Variants in ITGA8 observed in about 807,000 individuals in gnomAD.
The protein encoded by ITGA8 is integrin subunit alpha 8, also known as integrin alpha-8.
Under a neutral mutation model 142.3 loss-of-function variants are expected in ITGA8, and 91 were observed. The observed-to-expected ratio is 0.64, with a 90% CI of 0.54 to 0.76. ITGA8 has a LOEUF of 0.76. Among genes scored for constraint, ITGA8 ranks in the 30% least tolerant of loss-of-function variants. The pLI, the probability that ITGA8 is intolerant of heterozygous loss-of-function variation, is 0.00. For synonymous variants in ITGA8, 505 were observed against 485.2 expected, an observed-to-expected ratio of 1.04 and a Z score of -0.54; for missense variants, 1,406 against 1,327.7, an observed-to-expected ratio of 1.06 and a Z score of -0.92.
chr10:15,626,379 C>T (rs1384234150), intron 13 of ITGA8, among the ~76,000 whole-genome samples: 1 of 152,106 alleles, frequency 6.6e-6, no homozygotes, highest in East Asian at 1.9e-4. Context: ...CACCACCATG[C>T]CTGGCTAATT....
At position 15,678,822 on chromosome 10, in the gene ITGA8, A is replaced by AT. The variant is rs754918482; in HGVS notation, c.569-40dup. 22 of 1,319,348 alleles carry AT rather than the reference A, an allele frequency of 1.7e-5. 1 individual carries two copies. The South Asian group carries it at 2.0e-4, about 12-fold the overall frequency. The allele number at this position is 1,319,348 out of a possible 1,614,324, so 81.7% of individuals were successfully genotyped here. A position where few individuals can be genotyped will look rare whatever the true frequency, so the allele number is the denominator to read the frequency against. ...AATACATAAATGTTATAACGTTATC[A>AT]TTCCTGAAATATTTTTTAATAACCA... On this transcript the variant is annotated intron_variant, in intron 4 of 29. Coordinates refer to ENST00000378076, the MANE Select transcript of ITGA8 (RefSeq NM_003638.3).
intron 8 of ITGA8, among the ~76,000 whole-genome samples, chr10:15,664,520 T>TTTATTA (rs35427499): frequency 6.7e-6 from 1 of 150,186 alleles, no homozygotes; most frequent in African/African-American, 2.5e-5. Context: ...TTTTCCACAT[T>TTTATTA]TTATTATTAT....
intron 13 of ITGA8, among the ~76,000 whole-genome samples, chr10:15,638,620 A>G (rs1833814417): frequency 6.6e-6 from 1 of 152,216 alleles, no homozygotes; most frequent in Non-Finnish European, 1.5e-5. Context: ...GCTGTTGATA[A>G]GTGTGGCTTC....
At position 15,647,683 on chromosome 10, in the gene ITGA8, C is replaced by T. The variant is rs193096844; in HGVS notation, c.1002-632G>A. 9.8e-3 allele frequency among the ~76,000 whole-genome samples: 1,475 copies of T among 151,204 alleles called. 14 individuals are homozygous for T. The highest frequency in any genetic ancestry group is 0.015 in the Non-Finnish European group (1,013 of 67,806). On this transcript the variant is annotated intron_variant, in intron 11 of 29. Coordinates refer to ENST00000378076, the MANE Select transcript of ITGA8 (RefSeq NM_003638.3). ...TTCACCTTGTTAGCCAGGATGGTCT[C>T]GATCTCCTGACCTCATGATCCACCC...
intron 13 of ITGA8, among the ~76,000 whole-genome samples, chr10:15,635,363 G>T (rs995974092): frequency 9.9e-5 from 15 of 152,158 alleles, no homozygotes; most frequent in African/African-American, 3.6e-4. Flanking sequence ...ACAGAGCACT[G>T]TGTAAAGGCA....
intron 2 of ITGA8, among the ~76,000 whole-genome samples, chr10:15,707,329 G>A (rs1358536670): frequency 6.6e-6 from 1 of 152,194 alleles, no homozygotes; most frequent in Non-Finnish European, 1.5e-5. Context: ...GAGACCCAGA[G>A]ATAGGGCAGT....
intron 27 of ITGA8, among the ~76,000 whole-genome samples, chr10:15,540,333 C>T (rs1833544293): frequency 6.6e-6 from 1 of 152,118 alleles, no homozygotes; most frequent in African/African-American, 2.4e-5. Context: ...TGAATCTGCT[C>T]TCTGCCTCCA....
At chr10:15,677,452 GAAAT>G (rs1834651793) in intron 6 of ITGA8, 136 bp downstream of exon 6, 3 of 644,784 alleles carry the variant, frequency 4.7e-6, no homozygotes, top group East Asian at 2.9e-5. Flanking sequence ...GCAAAAAAAA[GAAAT>G]AACGCTTCAT....
chr10:15,683,058 C>A (rs554072021), intron 4 of ITGA8, among the ~76,000 whole-genome samples: 1 of 152,150 alleles, frequency 6.6e-6, no homozygotes, highest in South Asian at 2.1e-4. Flanking sequence ...AGAGCTCAAG[C>A]TAATTTGGGA....
chr10:15,668,153 T>G (rs1834433548), intron 8 of ITGA8, among the ~76,000 whole-genome samples: 1 of 152,200 alleles, frequency 6.6e-6, no homozygotes, highest in South Asian at 2.1e-4. Context: ...TGTGGGAGTC[T>G]AAGTCTCTTT....
At chr10:15,569,598 T>A (rs1229637723) in intron 25 of ITGA8, among the ~76,000 whole-genome samples, 1 of 152,172 alleles carries the variant, frequency 6.6e-6, no homozygotes, top group Non-Finnish European at 1.5e-5. Flanking sequence ...TACAATTTTT[T>A]TAAAGAGATG....
chr10:15,544,310 ACAAAACAAAACAACAACAACAACAAAAC>A (rs1407882585), intron 27 of ITGA8, among the ~76,000 whole-genome samples: 1 of 150,284 alleles, frequency 6.7e-6, no homozygotes, highest in African/African-American at 2.5e-5. Flanking sequence ...CCAAAAAAAA[ACAAAACAAAACAACAACAACAACAAAAC>A]CAAAACCCCA....
chr10:15,554,674 G>A (rs1207647216), intron 26 of ITGA8, among the ~76,000 whole-genome samples: 1 of 151,968 alleles, frequency 6.6e-6, no homozygotes, highest in African/African-American at 2.4e-5. Flanking sequence ...TCAACTGATT[G>A]TTAACATTCC....
intron 23 of ITGA8, among the ~76,000 whole-genome samples, chr10:15,581,966 C>T (rs772524324): frequency 9.9e-5 from 15 of 152,144 alleles, no homozygotes; most frequent in Non-Finnish European, 1.5e-4. Flanking sequence ...GGGCCAGGTA[C>T]GGTGGCTCAT....
rs760880676 is a variant in ITGA8 at position 15,558,207 on chromosome 10, A to C, written c.2638-5T>G. ...GTCCTCTGGGGAGGCAGCAGGCTGC[A>C]AAAAGAAAGTGGGAGATACCACATT... On this transcript the variant is annotated splice_polypyrimidine_tract_variant and splice_region_variant and intron_variant, in intron 25 of 29. Coordinates refer to ENST00000378076, the MANE Select transcript of ITGA8 (RefSeq NM_003638.3). 10 of 1,614,068 alleles carry C rather than the reference A, an allele frequency of 6.2e-6. No individual in the cohort carries two copies. Among genetic ancestry groups the C allele is most frequent in the Non-Finnish European group, 8.5e-6 (10 of 1,179,962 alleles).
chr10:15,643,996 A>AGAC (rs1833917571), intron 13 of ITGA8, 34 bp downstream of exon 13: 1 of 1,581,666 alleles, frequency 6.3e-7, no homozygotes, highest in Non-Finnish European at 8.6e-7. Flanking sequence ...TTCAGGACGT[A>AGAC]GACTCTCACG....
intron 15 of ITGA8, chr10:15,611,482 A>G: frequency 7.0e-6 from 1 of 143,742 alleles, no homozygotes; most frequent in African/African-American, 2.5e-5. Flanking sequence ...CATAAAACCA[A>G]ACAGAACTCT....
rs146553919 is a variant in ITGA8, at chr10:15,705,628, G to T, written c.343+13138C>A. On this transcript the variant is annotated intron_variant, in intron 2 of 29. Transcript: ENST00000378076. ...CCTTCTTAACTATTAAATTTCTCTG[G>T]TCCCATATATAGCCAAACTTTAAAA... Among the ~76,000 whole-genome samples the T allele has an allele frequency of 2.4e-3, 364 of 151,962 alleles. 1 individual carries two copies. The highest frequency in any genetic ancestry group is 3.6e-3 in the Non-Finnish European group (248 of 67,982).
At position 15,697,188 on chromosome 10, in the gene ITGA8, G is replaced by C. The variant is rs934351196; in HGVS notation, c.344-9150C>G. Reference sequence around the variant, plus strand: ...CTATAAGATAGACTAAGATTCAACTGTTATACACATATGATTTGTATGCAC... The same window carrying C: ...CTATAAGATAGACTAAGATTCAACTCTTATACACATATGATTTGTATGCAC... On this transcript the variant is annotated intron_variant, in intron 2 of 29. Transcript: ENST00000378076. 2.0e-5 allele frequency among the ~76,000 whole-genome samples: 3 copies of C among 152,110 alleles called. No individual in the cohort carries two copies. In the East Asian group the frequency reaches 5.8e-4, roughly 29 times the overall value.
Sources: allele counts gnomAD v4.1 joint callset (sites outside exome capture counted in the v4.1 genomes callset), GRCh38; gene constraint gnomAD v4.1.1; transcripts MANE v1.5; gene names NCBI Gene and HGNC (gene_info 2026-07-23, HGNC 2026-07-21).